MTUS1: variants seen among roughly 807,000 people sequenced by gnomAD.
MTUS1 encodes the protein microtubule associated scaffold protein 1, also known as microtubule-associated tumor suppressor 1.
A neutral mutation model predicts 120.8 loss-of-function variants in MTUS1; 109 were observed. The observed-to-expected ratio is 0.90, with a 90% CI of 0.77 to 1.06. MTUS1 has a LOEUF of 1.06. Among genes scored for constraint, MTUS1 ranks in the 50% least tolerant of loss-of-function variants. The pLI is 0.00. For synonymous variants in MTUS1, 737 were observed against 550.5 expected (o/e 1.34, Z -4.74); for missense variants, 2,210 against 1,486.3 (o/e 1.49, Z -8.01).
At chr8:17,780,883 G>C (rs990892193) in intron 1 of MTUS1, 1 of 152,178 alleles carries the variant, frequency 6.6e-6, no homozygotes. Flanking sequence ...TAACCTTTAT[G>C]CAAAAGGTGA....
At chr8:17,728,849 T>A (rs761434584) in intron 3 of MTUS1, among the ~76,000 whole-genome samples, 1 of 152,144 alleles carries the variant, frequency 6.6e-6, no homozygotes, top group Non-Finnish European at 1.5e-5. Context: ...GGTAGCAGTG[T>A]GCAGAACTGA....
rs540520285 is a variant in MTUS1, at chr8:17,754,101, A to G, written c.1707T>C (p.Ile569=). ...SDLNADKKAE[I]LINKTHKQQF... ...GCTGCTTATGTGTCTTGTTAATTAG[A>G]ATTTCTGCTTTTTTGTCTGCATTCA... is the stretch of plus-strand genomic sequence containing the variant. The change falls in exon 2 of 15, where the codon ATT becomes ATC. Residue 569 remains isoleucine (I), a synonymous_variant. Coordinates refer to ENST00000693296, the MANE Select transcript of MTUS1 (RefSeq NM_001363059.2). 3.9e-5 allele frequency: 63 copies of G among 1,613,370 alleles called. No homozygotes were observed. The South Asian group carries it at 6.7e-4, about 17-fold the overall frequency.
chr8:17,703,087 G>A (rs933887347), intron 6 of MTUS1, among the ~76,000 whole-genome samples: 3 of 152,136 alleles, frequency 2.0e-5, no homozygotes, highest in African/African-American at 7.2e-5. Flanking sequence ...AGTGCACCTT[G>A]AAAATGAACA....
At chr8:17,750,782 T>A (rs575212695) in intron 2 of MTUS1, among the ~76,000 whole-genome samples, 1 of 152,334 alleles carries the variant, frequency 6.6e-6, no homozygotes, top group East Asian at 1.9e-4. Context: ...TCAATTCCTT[T>A]CCTTTTAGGT....
Position 17,709,762 on chromosome 8 carries a change from A to G in MTUS1, c.2623+3452T>C, listed in dbSNP as rs144047707. On this transcript the variant is annotated intron_variant, in intron 6 of 14. Coordinates refer to ENST00000693296, the MANE Select transcript of MTUS1 (RefSeq NM_001363059.2). Reference sequence around the variant, plus strand: ...GGTGGCTCACACCTGTAATCCCATCAGTTTGGGAGGCCGAGGCAGGTGGAT... The same window carrying G: ...GGTGGCTCACACCTGTAATCCCATCGGTTTGGGAGGCCGAGGCAGGTGGAT... Among the ~76,000 whole-genome samples the G allele has an allele frequency of 9.9e-5, 15 of 152,210 alleles. No homozygotes were observed. In the East Asian group the frequency reaches 2.9e-3, roughly 29 times the overall value.
At chr8:17,728,254 C>T (rs1489563105) in intron 3 of MTUS1, among the ~76,000 whole-genome samples, 1 of 152,080 alleles carries the variant, frequency 6.6e-6, no homozygotes, top group East Asian at 1.9e-4. Context: ...TGGGATTACA[C>T]CCACACAACA....
chr8:17,721,685 A>G (rs1322776360), intron 4 of MTUS1: 1 of 1,543,954 alleles, frequency 6.5e-7, no homozygotes, highest in South Asian at 1.3e-5. Context: ...GCTTACAAAG[A>G]AAAGAAACCA....
intron 7 of MTUS1, among the ~76,000 whole-genome samples, chr8:17,682,630 T>A (rs1358045241): frequency 6.6e-6 from 1 of 151,834 alleles, no homozygotes; most frequent in Non-Finnish European, 1.5e-5. Flanking sequence ...GGAAAAGCAC[T>A]GTGAAATGAG....
chr8:17,777,118 C>A (rs2050505378), intron 1 of MTUS1, among the ~76,000 whole-genome samples: 1 of 152,058 alleles, frequency 6.6e-6, no homozygotes, highest in Non-Finnish European at 1.5e-5. Context: ...ATGCAATTTT[C>A]CCACCCCCAG....
chr8:17,678,748 C>CAAAA (rs35213322), intron 7 of MTUS1, among the ~76,000 whole-genome samples: 5 of 133,040 alleles, frequency 3.8e-5, no homozygotes, highest in Admixed American at 7.4e-5. Context: ...ATTCCACTTG[C>CAAAA]AAAAAAAAAA....
chr8:17,746,485 G>C (rs769740277), intron 2 of MTUS1, among the ~76,000 whole-genome samples: 1 of 152,132 alleles, frequency 6.6e-6, no homozygotes, highest in Non-Finnish European at 1.5e-5. Flanking sequence ...GAAGGTGAAA[G>C]GTTCATCTTA....
At chr8:17,658,852 C>G (rs960917466) in intron 8 of MTUS1, among the ~76,000 whole-genome samples, 2 of 152,088 alleles carry the variant, frequency 1.3e-5, no homozygotes, top group Admixed American at 1.3e-4. Flanking sequence ...AGTCAGTATT[C>G]TTTCAGAGGA....
Position 17,760,577 on chromosome 8 carries a change from T to G in MTUS1, c.-154-4616A>C, listed in dbSNP as rs114510985. Among the ~76,000 whole-genome samples the G allele has an allele frequency of 8.4e-3, 1,281 of 152,300 alleles. 20 individuals carry two copies. The highest frequency in any genetic ancestry group is 0.029 in the African/African-American group (1,218 of 41,562). On this transcript the variant is annotated intron_variant, in intron 1 of 14. Transcript: ENST00000693296. ...CAAAAGAGTTAAAAGTTGGCCATTT[T>G]GTTTTACTGCCTATTTTATTTCTCC...
At position 17,754,946 on chromosome 8, in the gene MTUS1, C is replaced by CT; in HGVS notation, c.861_862insA (p.Glu288ArgfsTer10). The CT allele has an allele frequency of 6.2e-7, 1 of 1,612,864 alleles. No individual in the cohort carries two copies. The highest frequency in any genetic ancestry group is 8.5e-7 in the Non-Finnish European group (1 of 1,178,992). On this transcript the variant is annotated frameshift_variant, in exon 2 of 15. Coordinates refer to ENST00000693296, the MANE Select transcript of MTUS1 (RefSeq NM_001363059.2). LOFTEE classifies it high-confidence loss of function. ...GAAACTGGTGTTAGTGCTTGTGTCTCCTTTTCTCCAACTAGTCTTTGTTGT... is the reference window on the plus strand; with the variant it reads ...GAAACTGGTGTTAGTGCTTGTGTCTCTCTTTTCTCCAACTAGTCTTTGTTGT...
intron 1 of MTUS1, 112 bp from the exon 2 acceptor site, chr8:17,756,073 C>G: frequency 2.1e-6 from 1 of 468,868 alleles, no homozygotes; most frequent in Non-Finnish European, 3.5e-6. Flanking sequence ...CACATTTAGA[C>G]CCCACAACTA....
intron 1 of MTUS1, among the ~76,000 whole-genome samples, chr8:17,761,338 T>C (rs2049023242): frequency 6.6e-6 from 1 of 152,210 alleles, no homozygotes; most frequent in African/African-American, 2.4e-5. Context: ...AACTGAATCA[T>C]TATATTAATT....
rs546550272 is a variant in MTUS1 at position 17,774,916 on chromosome 8, A to G, written c.-154-18955T>C. ...GTGGAATATTATTCAGCCATAAAAA[A>G]GAATGAAATTCTGTTACATGCTGCA... On this transcript the variant is annotated intron_variant, in intron 1 of 14. Coordinates refer to ENST00000693296, the MANE Select transcript of MTUS1 (RefSeq NM_001363059.2). Among the ~76,000 whole-genome samples, 6 of 151,942 alleles carry G rather than the reference A, an allele frequency of 3.9e-5. No homozygotes were observed. In the East Asian group the frequency reaches 5.8e-4, roughly 15 times the overall value.
At chr8:17,674,760 T>G (rs1812738694) in intron 8 of MTUS1, 6 of 999,126 alleles carry the variant, frequency 6.0e-6, no homozygotes, top group Admixed American at 5.8e-5. Context: ...CAGCATCCTT[T>G]CAACTTCATA....
intron 1 of MTUS1, among the ~76,000 whole-genome samples, chr8:17,757,188 T>G (rs187811764): frequency 6.6e-6 from 1 of 152,204 alleles, no homozygotes; most frequent in East Asian, 1.9e-4. Context: ...TGTACTCTTA[T>G]GCATTTGACA....
Sources: gnomAD v4.1 joint callset for allele counts (sites outside exome capture counted in the v4.1 genomes callset) on GRCh38, gnomAD v4.1.1 for gene constraint, MANE v1.5 for transcripts, NCBI Gene and HGNC (gene_info 2026-07-23, HGNC 2026-07-21) for gene names.